Variants in LINGO1 observed in about 807,000 individuals in gnomAD.
The protein encoded by LINGO1 is leucine-rich repeat and immunoglobulin-like domain-containing nogo receptor-interacting protein 1.
Under a neutral mutation model 37.3 loss-of-function variants are expected in LINGO1, and 11 were observed. That is an observed-to-expected ratio of 0.29 (90% confidence interval 0.19 to 0.49). The LOEUF is 0.49. Among genes scored for constraint, LINGO1 ranks in the 20% least tolerant of loss-of-function variants. The probability of loss-of-function intolerance (pLI) is 0.99; values close to 1 mark genes in which losing one functional copy is unlikely to be tolerated. For missense variants in LINGO1, 585 were observed against 878.2 expected (o/e 0.67, Z 4.22); for synonymous variants, 387 against 403.0 (o/e 0.96, Z 0.48).
At chr15:77,771,594 C>T (rs184757159) in intron 1 of LINGO1, among the ~76,000 whole-genome samples, 3 of 152,340 alleles carry the variant, frequency 2.0e-5, no homozygotes, top group African/African-American at 7.2e-5. Flanking sequence ...AACCTGGTCC[C>T]GGCCTCCAAG....
upstream of LINGO1, among the ~76,000 whole-genome samples, chr15:77,820,591 A>G (rs542947068): frequency 1.3e-5 from 2 of 152,290 alleles, no homozygotes; most frequent in East Asian, 3.9e-4. Flanking sequence ...GACAGGGCTC[A>G]CGGGCTGGCG....
intron 1 of LINGO1, among the ~76,000 whole-genome samples, chr15:77,735,660 C>T (rs576761865): frequency 4.6e-5 from 7 of 152,320 alleles, no homozygotes; most frequent in African/African-American, 1.4e-4. Context: ...GGCTCCACCC[C>T]GAGAGTTTCT....
At chr15:77,686,250 C>T (rs988552172) in intron 2 of LINGO1, among the ~76,000 whole-genome samples, 15 of 152,190 alleles carry the variant, frequency 9.9e-5, no homozygotes, top group African/African-American at 2.9e-4. Flanking sequence ...GAACCTCAAC[C>T]GTGCTGGAAG....
chr15:77,760,623 G>T (rs950810494), intron 1 of LINGO1, among the ~76,000 whole-genome samples: 2 of 152,176 alleles, frequency 1.3e-5, no homozygotes, highest in African/African-American at 4.8e-5. Context: ...CTCATTTCCA[G>T]CCCCTTTGCC....
intron 2 of LINGO1, among the ~76,000 whole-genome samples, chr15:77,723,064 G>A (rs891722916): frequency 1.1e-4 from 17 of 152,168 alleles, no homozygotes; most frequent in Non-Finnish European, 1.8e-4. Flanking sequence ...AGGGCCCATC[G>A]CTTTCCCTCT....
At chr15:77,774,101 G>A (rs1005410219) in intron 1 of LINGO1, among the ~76,000 whole-genome samples, 18 of 152,094 alleles carry the variant, frequency 1.2e-4, no homozygotes, top group African/African-American at 3.9e-4. Context: ...CATGGGCATC[G>A]ATGCCCTCTA....
chr15:77,643,288 G>C (rs893487506), intron 3 of LINGO1, among the ~76,000 whole-genome samples: 1 of 152,218 alleles, frequency 6.6e-6, no homozygotes, highest in African/African-American at 2.4e-5. Flanking sequence ...CTAGGCAGGA[G>C]AGCAGGGCTG....
At chr15:77,777,461 A>ACACG (rs1230196525) in intron 1 of LINGO1, among the ~76,000 whole-genome samples, 10 of 113,082 alleles carry the variant, frequency 8.8e-5, no homozygotes, top group East Asian at 5.0e-4. Flanking sequence ...ACATATACAC[A>ACACG]CACGCACACA....
chr15:77,802,205 G>A (rs747514614), intron 1 of LINGO1, among the ~76,000 whole-genome samples: 4 of 152,124 alleles, frequency 2.6e-5, no homozygotes, highest in Non-Finnish European at 5.9e-5. Flanking sequence ...ATGTGGGTCT[G>A]CGGAGGTGAA....
At position 77,775,942 on chromosome 15, in the gene LINGO1, A is replaced by G. The variant is rs918826996; in HGVS notation, c.-257+10927T>C. ...ATCCCCCCCATGCCCTCATTAGCACAACCTGATGTCTCTGAGCCCCAGGCC... is the reference window on the plus strand; with the variant it reads ...ATCCCCCCCATGCCCTCATTAGCACGACCTGATGTCTCTGAGCCCCAGGCC... On this transcript the variant is annotated intron_variant, in intron 1 of 3. Transcript: ENST00000561686. Among the ~76,000 whole-genome samples the G allele has an allele frequency of 1.6e-4, 24 of 152,032 alleles. 1 individual carries two copies. The highest frequency in any genetic ancestry group is 5.1e-4 in the African/African-American group (21 of 41,478).
chr15:77,756,516 ACAC>A (rs2076420955), intron 1 of LINGO1, among the ~76,000 whole-genome samples: 1 of 142,422 alleles, frequency 7.0e-6, no homozygotes, highest in Non-Finnish European at 1.5e-5. Flanking sequence ...ACACACACAC[ACAC>A]ATTCCTGCAC....
At position 77,727,175 on chromosome 15, in the gene LINGO1, T is replaced by G. The variant is rs572619139; in HGVS notation, c.-195+7817A>C. Among the ~76,000 whole-genome samples, 3 of 152,356 alleles carry G rather than the reference T, an allele frequency of 2.0e-5. 1 individual carries two copies. In the South Asian group the frequency reaches 6.2e-4, roughly 32 times the overall value. The stretch of plus-strand genomic sequence containing the variant: ...CAACCACTAAATTAATTGTAAAAAT[T>G]AAAAATAGAATTACCATTCGATCCA... On this transcript the variant is annotated intron_variant, in intron 2 of 3. Coordinates refer to the LINGO1 transcript ENST00000561686.
chr15:77,633,405 G>A (rs1207963731), upstream of LINGO1, among the ~76,000 whole-genome samples: 2 of 152,262 alleles, frequency 1.3e-5, no homozygotes, highest in East Asian at 1.9e-4. Flanking sequence ...GTTGTTTGGA[G>A]GGCGGCATGG....
intron 3 of LINGO1, among the ~76,000 whole-genome samples, chr15:77,640,755 G>C (rs1279742440): frequency 6.6e-6 from 1 of 152,200 alleles, no homozygotes; most frequent in Admixed American, 6.5e-5. Flanking sequence ...TCCTGGGGGA[G>C]GAGGGTGAAG....
At chr15:77,756,118 G>T (rs2141374108) in intron 1 of LINGO1, among the ~76,000 whole-genome samples, 1 of 152,214 alleles carries the variant, frequency 6.6e-6, no homozygotes, top group African/African-American at 2.4e-5. Flanking sequence ...GAGGGCATGG[G>T]CCCAGGTACA....
chr15:77,646,874 C>G (rs1192390972), intron 3 of LINGO1, among the ~76,000 whole-genome samples: 1 of 152,164 alleles, frequency 6.6e-6, no homozygotes, highest in Non-Finnish European at 1.5e-5. Flanking sequence ...CAGCAGACAC[C>G]AGGGCCGGCC....
chr15:77,791,309 G>A (rs530215682), upstream of LINGO1, among the ~76,000 whole-genome samples: 1 of 152,234 alleles, frequency 6.6e-6, no homozygotes, highest in South Asian at 2.1e-4. Context: ...GACCAGACAG[G>A]ATAGCTCACC....
intron 3 of LINGO1, among the ~76,000 whole-genome samples, chr15:77,660,579 GA>G (rs2141167824): frequency 6.6e-6 from 1 of 152,372 alleles, no homozygotes; most frequent in Non-Finnish European, 1.5e-5. Flanking sequence ...GGAGGAGGGA[GA>G]AGTTTGCCTC....
At chr15:77,735,342 C>T (rs1308051624) in intron 1 of LINGO1, among the ~76,000 whole-genome samples, 1 of 152,246 alleles carries the variant, frequency 6.6e-6, no homozygotes, top group Non-Finnish European at 1.5e-5. Context: ...ACAAACTAGA[C>T]TTGCAGCGCA....
Sources: allele counts gnomAD v4.1 joint callset (sites outside exome capture counted in the v4.1 genomes callset), GRCh38; gene constraint gnomAD v4.1.1; transcripts MANE v1.5; gene names NCBI Gene and HGNC (gene_info 2026-07-23, HGNC 2026-07-21).